The following SAMMSON variants were observed in gnomAD, a reference collection of about 807,000 sequenced individuals.
SAMMSON encodes survival associated mitochondrial melanoma specific oncogenic non-coding RNA.
At chr3:70,305,892 T>C (rs913071428) in intron 7 of SAMMSON, among the ~76,000 whole-genome samples, 2 of 152,160 alleles carry the variant, frequency 1.3e-5, no homozygotes, top group Non-Finnish European at 2.9e-5. Flanking sequence ...TGCATTATAT[T>C]GAAAAGGGAA....
chr3:70,417,053 C>T (rs1472318974), intron 2 of SAMMSON, among the ~76,000 whole-genome samples: 1 of 152,062 alleles, frequency 6.6e-6, no homozygotes, highest in Non-Finnish European at 1.5e-5. Flanking sequence ...GAGCCCGGAC[C>T]TCAGAATCAT....
chr3:70,163,168 T>A (rs1344990508), intron 4 of SAMMSON, among the ~76,000 whole-genome samples: 1 of 151,658 alleles, frequency 6.6e-6, no homozygotes, highest in Non-Finnish European at 1.5e-5. Flanking sequence ...TAGTATGATT[T>A]ATTTTTATTT....
chr3:70,007,578 C>A (rs2066933442), intron 1 of SAMMSON, among the ~76,000 whole-genome samples: 1 of 151,504 alleles, frequency 6.6e-6, no homozygotes, highest in African/African-American at 2.4e-5. Flanking sequence ...CAAAAATTTT[C>A]TCCCATTCTG....
chr3:70,246,999 C>T (rs939042505), intron 4 of SAMMSON, among the ~76,000 whole-genome samples: 4 of 151,948 alleles, frequency 2.6e-5, no homozygotes, highest in African/African-American at 9.7e-5. Context: ...TCATAATAAT[C>T]AGTGAGTGGT....
chr3:70,119,029 T>A (rs981849326), intron 4 of SAMMSON, among the ~76,000 whole-genome samples: 1 of 152,196 alleles, frequency 6.6e-6, no homozygotes, highest in Non-Finnish European at 1.5e-5. Flanking sequence ...CTCGTGTTCA[T>A]GTCATTGGGG....
chr3:70,046,246 A>G (rs1437565189), intron 3 of SAMMSON, among the ~76,000 whole-genome samples: 6 of 152,214 alleles, frequency 3.9e-5, no homozygotes, highest in Non-Finnish European at 7.4e-5. Context: ...TGAAAGAACA[A>G]ATGTATAAGT....
At chr3:70,333,113 C>T (rs144816084) in intron 7 of SAMMSON, among the ~76,000 whole-genome samples, 21 of 152,096 alleles carry the variant, frequency 1.4e-4, no homozygotes, top group African/African-American at 5.1e-4. Context: ...TCTCTTGTTG[C>T]TGCAGCTACC....
chr3:70,320,906 T>G (rs1702534555), intron 7 of SAMMSON, among the ~76,000 whole-genome samples: 1 of 152,062 alleles, frequency 6.6e-6, no homozygotes, highest in Admixed American at 6.6e-5. Context: ...GTCAGTTTCC[T>G]TATCTGTAAA....
intron 3 of SAMMSON, among the ~76,000 whole-genome samples, chr3:70,052,328 A>C (rs2067149450): frequency 6.6e-6 from 1 of 152,126 alleles, no homozygotes; most frequent in South Asian, 2.1e-4. Flanking sequence ...TATATTTTGC[A>C]GGAGTAAATG....
chr3:70,085,113 G>T (rs144485683), intron 4 of SAMMSON, among the ~76,000 whole-genome samples: 3 of 152,172 alleles, frequency 2.0e-5, no homozygotes, highest in Non-Finnish European at 4.4e-5. Flanking sequence ...GGCTTCAGAA[G>T]CCTCTCACAT....
At chr3:70,336,596 C>T (rs1294010260) in intron 7 of SAMMSON, among the ~76,000 whole-genome samples, 2 of 151,964 alleles carry the variant, frequency 1.3e-5, no homozygotes, top group Non-Finnish European at 2.9e-5. Flanking sequence ...AGGACATCTC[C>T]TACTTATGAG....
intron 6 of SAMMSON, among the ~76,000 whole-genome samples, chr3:70,273,839 A>C (rs1035191479): frequency 1.3e-5 from 2 of 152,096 alleles, no homozygotes; most frequent in African/African-American, 4.8e-5. Context: ...GTCTCACTTT[A>C]TTGCCTAGGC....
At chr3:70,405,844 T>G (rs764088444) in intron 2 of SAMMSON, among the ~76,000 whole-genome samples, 7 of 152,100 alleles carry the variant, frequency 4.6e-5, no homozygotes, top group Non-Finnish European at 7.4e-5. Flanking sequence ...AGCAGGGAAG[T>G]TCAATGAATA....
At chr3:70,434,485 C>T (rs918666047) in intron 2 of SAMMSON, among the ~76,000 whole-genome samples, 1 of 152,154 alleles carries the variant, frequency 6.6e-6, no homozygotes, top group Non-Finnish European at 1.5e-5. Context: ...TGCAAACTTG[C>T]TGTAATCACT....
intron 4 of SAMMSON, among the ~76,000 whole-genome samples, chr3:70,220,988 G>A (rs1327231259): frequency 6.6e-6 from 1 of 152,148 alleles, no homozygotes; most frequent in African/African-American, 2.4e-5. Context: ...GTAATGACAT[G>A]TTTTAAATCT....
At chr3:70,376,576 T>G (rs1414687142) in intron 9 of SAMMSON, among the ~76,000 whole-genome samples, 2 of 152,140 alleles carry the variant, frequency 1.3e-5, no homozygotes, top group African/African-American at 2.4e-5. Flanking sequence ...AAATGGGACT[T>G]TGGCACAGAG....
intron 1 of SAMMSON, among the ~76,000 whole-genome samples, chr3:70,011,515 C>G (rs2066955521): frequency 6.6e-6 from 1 of 151,860 alleles, no homozygotes; most frequent in South Asian, 2.1e-4. Flanking sequence ...ACAAAGCCAA[C>G]TTTGACCCCT....
chr3:70,403,302 A>AC (rs1392778827), intron 2 of SAMMSON, among the ~76,000 whole-genome samples: 1 of 152,174 alleles, frequency 6.6e-6, no homozygotes, highest in Non-Finnish European at 1.5e-5. Context: ...AGGAGACAAA[A>AC]CAAACACCCA....
chr3:70,277,361 T>C (rs1473595424), intron 6 of SAMMSON, among the ~76,000 whole-genome samples: 1 of 152,200 alleles, frequency 6.6e-6, no homozygotes, highest in Non-Finnish European at 1.5e-5. Flanking sequence ...TATTTGACTT[T>C]TTTCCCCCAG....
Sources: gnomAD v4.1 joint callset for allele counts (sites outside exome capture counted in the v4.1 genomes callset) on GRCh38, gnomAD v4.1.1 for gene constraint, MANE v1.5 for transcripts, NCBI Gene and HGNC (gene_info 2026-07-23, HGNC 2026-07-21) for gene names.